Variants in DISC1 observed in about 807,000 individuals in gnomAD.
DISC1 encodes the protein disrupted in schizophrenia 1 protein.
In DISC1, 57 loss-of-function variants were observed where a neutral mutation model predicts 84.5. That is an observed-to-expected ratio of 0.67 (90% confidence interval 0.55 to 0.84). The LOEUF is 0.84. Among genes scored for constraint, DISC1 ranks in the 40% least tolerant of loss-of-function variants. The pLI is 0.00. For synonymous variants in DISC1, 411 were observed against 415.2 expected, an observed-to-expected ratio of 0.99 and a Z score of 0.12; for missense variants, 1,000 against 1,057.8, an observed-to-expected ratio of 0.95 and a Z score of 0.76.
At chr1:231,876,227 G>A (rs1468133685) in intron 9 of DISC1, among the ~76,000 whole-genome samples, 2 of 152,162 alleles carry the variant, frequency 1.3e-5, no homozygotes, top group African/African-American at 4.8e-5. Flanking sequence ...TCACGATAGT[G>A]AGTTCTCATG....
At chr1:231,881,210 A>T (rs1042836299) in intron 9 of DISC1, among the ~76,000 whole-genome samples, 43 of 152,332 alleles carry the variant, frequency 2.8e-4, no homozygotes, top group African/African-American at 8.4e-4. Context: ...TTTCCCTGGC[A>T]ACAGGGCCTC....
chr1:231,916,025 C>T (rs983361788), intron 9 of DISC1, among the ~76,000 whole-genome samples: 2 of 152,148 alleles, frequency 1.3e-5, no homozygotes, highest in Non-Finnish European at 2.9e-5. Flanking sequence ...GCTGCTTTTA[C>T]AGGATTACGA....
intron 3 of DISC1, among the ~76,000 whole-genome samples, chr1:231,727,182 T>C (rs2070840076): frequency 6.6e-6 from 1 of 152,208 alleles, no homozygotes; most frequent in African/African-American, 2.4e-5. Flanking sequence ...TCTCGTGTTA[T>C]AGCTTGCTTT....
intron 9 of DISC1, among the ~76,000 whole-genome samples, chr1:231,952,090 C>CAAAAAAAAAAAAAAAAAAAAAA (rs11392611): frequency 1.8e-5 from 1 of 54,240 alleles, no homozygotes; most frequent in African/African-American, 5.9e-5. Context: ...CTCAATGTCT[C>CAAAAAAAAAAAAAAAAAAAAAA]AAAAAAAAAA....
chr1:231,973,527 G>A (rs1662334308), intron 10 of DISC1, among the ~76,000 whole-genome samples: 1 of 152,196 alleles, frequency 6.6e-6, no homozygotes, highest in Admixed American at 6.5e-5. Flanking sequence ...CATGAATGCT[G>A]TTGATCTGGT....
At chr1:231,865,651 G>A (rs1452385490) in intron 9 of DISC1, among the ~76,000 whole-genome samples, 1 of 152,094 alleles carries the variant, frequency 6.6e-6, no homozygotes, top group African/African-American at 2.4e-5. Context: ...TATACTTTCT[G>A]TCTCTGAATT....
rs900635351 is a variant in DISC1 at position 231,811,903 on chromosome 1, A to G, written c.1793-6426A>G. 1.4e-4 allele frequency among the ~76,000 whole-genome samples: 21 copies of G among 152,364 alleles called. 1 individual carries two copies. Among genetic ancestry groups the G allele is most frequent in the East Asian group, 7.7e-4 (4 of 5,192 alleles). ...TTTTAACTGGAAATCAAGGACAATC[A>G]TTAAGAGACTCCCCTTCCTGGATTG... On this transcript the variant is annotated intron_variant, in intron 8 of 12. Coordinates refer to ENST00000439617, the MANE Select transcript of DISC1 (RefSeq NM_018662.3).
intron 9 of DISC1, among the ~76,000 whole-genome samples, chr1:231,834,275 T>C (rs562174575): frequency 7.9e-5 from 12 of 151,840 alleles, no homozygotes; most frequent in East Asian, 1.9e-4. Flanking sequence ...GGACCTAGCT[T>C]GGCCTGGTGA....
chr1:231,943,024 G>A (rs944832648), intron 9 of DISC1, among the ~76,000 whole-genome samples: 6 of 152,222 alleles, frequency 3.9e-5, no homozygotes, highest in Non-Finnish European at 8.8e-5. Context: ...ATTAACTGTG[G>A]ATATCGGTAA....
At chr1:231,833,601 A>C (rs575363271) in intron 9 of DISC1, among the ~76,000 whole-genome samples, 1 of 149,734 alleles carries the variant, frequency 6.7e-6, no homozygotes, top group East Asian at 1.9e-4. Context: ...CGCACAGATG[A>C]GACGCGGCTT....
chr1:231,846,697 T>C (rs2083470802), intron 9 of DISC1, among the ~76,000 whole-genome samples: 1 of 152,206 alleles, frequency 6.6e-6, no homozygotes, highest in Non-Finnish European at 1.5e-5. Flanking sequence ...ACATAGTAAC[T>C]AAAGTGGCGG....
intron 1 of DISC1, among the ~76,000 whole-genome samples, chr1:231,631,479 T>C (rs2058704056): frequency 6.6e-6 from 1 of 152,184 alleles, no homozygotes; most frequent in African/African-American, 2.4e-5. Flanking sequence ...GATGGCTCCA[T>C]GCGTGTTTTT....
At chr1:231,881,397 C>T (rs915256646) in intron 9 of DISC1, among the ~76,000 whole-genome samples, 1 of 152,072 alleles carries the variant, frequency 6.6e-6, no homozygotes, top group African/African-American at 2.4e-5. Flanking sequence ...TGTAGGTGGC[C>T]GTCTTCTCCC....
chr1:231,984,981 T>A (rs1664196551), intron 10 of DISC1, among the ~76,000 whole-genome samples: 1 of 152,080 alleles, frequency 6.6e-6, no homozygotes, highest in Non-Finnish European at 1.5e-5. Context: ...ATGATCTTGG[T>A]CAAATTATTT....
At chr1:231,740,219 G>A (rs947459765) in intron 3 of DISC1, among the ~76,000 whole-genome samples, 5 of 152,138 alleles carry the variant, frequency 3.3e-5, no homozygotes, top group East Asian at 1.9e-4. Flanking sequence ...ATCACCAACC[G>A]ACATAGACAA....
intron 5 of DISC1, 46 bp from the exon 6 acceptor site, chr1:231,770,789 A>G (rs1208822817): frequency 1.3e-6 from 2 of 1,590,976 alleles, no homozygotes; most frequent in Non-Finnish European, 1.7e-6. Flanking sequence ...GCAGTTTGCC[A>G]TGAGCAGGGT....
At chr1:231,919,115 G>A (rs2126074678) in intron 9 of DISC1, among the ~76,000 whole-genome samples, 1 of 152,310 alleles carries the variant, frequency 6.6e-6, no homozygotes, top group East Asian at 1.9e-4. Flanking sequence ...GTTGATGGAT[G>A]AAACCTGATG....
At chr1:231,638,319 C>A (rs2059357355) in intron 1 of DISC1, among the ~76,000 whole-genome samples, 1 of 152,132 alleles carries the variant, frequency 6.6e-6, no homozygotes, top group African/African-American at 2.4e-5. Context: ...TCTGCAGAAG[C>A]TTTTTAGTTT....
chr1:231,678,794 T>A (rs890741864), intron 1 of DISC1, among the ~76,000 whole-genome samples: 1 of 152,236 alleles, frequency 6.6e-6, no homozygotes, highest in Admixed American at 6.5e-5. Flanking sequence ...GCCTCCCAAG[T>A]AGCTGGGACT....
Sources: gnomAD v4.1 joint callset for allele counts (sites outside exome capture counted in the v4.1 genomes callset) on GRCh38, gnomAD v4.1.1 for gene constraint, MANE v1.5 for transcripts, NCBI Gene and HGNC (gene_info 2026-07-23, HGNC 2026-07-21) for gene names.